The following RBPJ variants were observed in gnomAD, a reference collection of about 807,000 sequenced individuals.
RBPJ encodes the protein recombination signal binding protein for immunoglobulin kappa J region.
A neutral mutation model predicts 67.8 loss-of-function variants in RBPJ; 9 were observed. That is an observed-to-expected ratio of 0.13 (90% CI 0.08 to 0.23). The LOEUF is 0.23. Ranked by LOEUF, RBPJ falls within the 10% of genes least tolerant of loss-of-function variation. The pLI, the probability that RBPJ is intolerant of heterozygous loss-of-function variation, is 1.00. For synonymous variants in RBPJ, 198 were observed against 203.3 expected, an observed-to-expected ratio of 0.97 and a Z score of 0.22; for missense variants, 305 against 595.6, an observed-to-expected ratio of 0.51 and a Z score of 5.08.
At chr4:26,410,920 A>G (rs967900359) in intron 3 of RBPJ, among the ~76,000 whole-genome samples, 1 of 152,184 alleles carries the variant, frequency 6.6e-6, no homozygotes, top group Non-Finnish European at 1.5e-5. Flanking sequence ...ATTGTTTGTT[A>G]TAGTTGATAG....
chr4:26,111,695 G>A, the RBPJ span, among the ~76,000 whole-genome samples: 1 of 152,194 alleles, frequency 6.6e-6, no homozygotes, highest in Non-Finnish European at 1.5e-5. Context: ...AGCCATTGAA[G>A]TGTGTGTGCA....
At chr4:26,119,298 C>T in the RBPJ span, among the ~76,000 whole-genome samples, 2 of 152,162 alleles carry the variant, frequency 1.3e-5, no homozygotes, top group Non-Finnish European at 2.9e-5. Context: ...TGTTTTCCTC[C>T]CCAATCCATT....
rs533416198 is a variant in RBPJ, at chr4:26,331,732, A to G, written c.20+10684A>G. 3.3e-5 allele frequency among the ~76,000 whole-genome samples: 5 copies of G among 152,000 alleles called. No individual in the cohort carries two copies. In the South Asian group the frequency reaches 6.2e-4, roughly 19 times the overall value. On this transcript the variant is annotated intron_variant, in intron 1 of 10. Transcript: ENST00000355476. ...TATCCACTCTGCTTCAGTTGCTCCT[A>G]CTCGAGAACTGGCTGGACGCAGTTA... is the stretch of plus-strand genomic sequence containing the variant.
At chr4:26,217,374 G>T (rs1718755102) in intron 1 of RBPJ, among the ~76,000 whole-genome samples, 1 of 152,078 alleles carries the variant, frequency 6.6e-6, no homozygotes, top group African/African-American at 2.4e-5. Flanking sequence ...TGCTCCTGTG[G>T]CATTGAAGAG....
At chr4:26,222,383 T>C (rs540200158) in intron 1 of RBPJ, among the ~76,000 whole-genome samples, 83 of 150,306 alleles carry the variant, frequency 5.5e-4, no homozygotes, top group African/African-American at 1.9e-3. Flanking sequence ...TAATCCCAGC[T>C]ACTCAGGAGG....
At chr4:26,255,680 T>C (rs2109243532) in intron 1 of RBPJ, among the ~76,000 whole-genome samples, 1 of 151,124 alleles carries the variant, frequency 6.6e-6, no homozygotes, top group African/African-American at 2.4e-5. Context: ...CAGGTGCCTG[T>C]AGTCCCAGCT....
rs144146701 is a variant in RBPJ, at chr4:26,291,956, A to C, written c.-166-70490A>C. The stretch of plus-strand genomic sequence containing the variant: ...AGGTATACTTGACAAATAAAACCAT[A>C]CAAGTTTAACGTGTACAATGTGACG... On this transcript the variant is annotated intron_variant, in intron 1 of 4. Coordinates refer to the RBPJ transcript ENST00000512351. Among the ~76,000 whole-genome samples, 251 of 151,038 alleles carry C rather than the reference A, an allele frequency of 1.7e-3. 8 individuals carry two copies. Among genetic ancestry groups the C allele is most frequent in the Non-Finnish European group, 3.3e-3 (224 of 67,632 alleles).
chr4:26,196,179 A>G (rs1458779626), intron 1 of RBPJ, among the ~76,000 whole-genome samples: 2 of 152,228 alleles, frequency 1.3e-5, no homozygotes, highest in Non-Finnish European at 2.9e-5. Flanking sequence ...GAGGGAGCCC[A>G]AATGTCCATC....
At chr4:26,230,229 A>G (rs1719229589) in intron 1 of RBPJ, among the ~76,000 whole-genome samples, 2 of 151,966 alleles carry the variant, frequency 1.3e-5, no homozygotes, top group Non-Finnish European at 2.9e-5. Flanking sequence ...TGTTCATAGC[A>G]GCACTATGTA....
intron 1 of RBPJ, among the ~76,000 whole-genome samples, chr4:26,361,048 AGTGTGTGTGC>A (rs1355425482): frequency 6.8e-6 from 1 of 147,346 alleles, no homozygotes; most frequent in Non-Finnish European, 1.5e-5. Context: ...TTCAGGAGTG[AGTGTGTGTGC>A]GTGTGTGTGT....
At position 26,415,457 on chromosome 4, in the gene RBPJ, T is replaced by TTC. The variant is rs1560337620; in HGVS notation, c.156-18_156-17insTC. ...GATTTTTGCTTCTTGTTTTTTTTTTTCCCCTATTATTCTTCAGGTTTTTTT... is the reference window on the plus strand; with the variant it reads ...GATTTTTGCTTCTTGTTTTTTTTTTTTCCCCCTATTATTCTTCAGGTTTTTTT... On this transcript the variant is annotated splice_polypyrimidine_tract_variant and intron_variant, in intron 3 of 10. Coordinates refer to ENST00000355476, the MANE Select transcript of RBPJ (RefSeq NM_015874.6). 1.8e-5 allele frequency: 28 copies of TTC among 1,547,058 alleles called. No homozygotes were observed. Among genetic ancestry groups the TTC allele is most frequent in the South Asian group, 2.4e-5 (2 of 83,020 alleles).
chr4:26,225,851 G>GA (rs914879543), intron 1 of RBPJ, among the ~76,000 whole-genome samples: 1 of 151,372 alleles, frequency 6.6e-6, no homozygotes. Context: ...TAAATAGGGG[G>GA]AAAAAAAAGG....
chr4:26,356,341 A>G (rs749719549), intron 1 of RBPJ, among the ~76,000 whole-genome samples: 14 of 152,218 alleles, frequency 9.2e-5, no homozygotes, highest in Non-Finnish European at 1.5e-4. Flanking sequence ...GTTTTGTATC[A>G]GTAGCTAAGT....
intron 1 of RBPJ, among the ~76,000 whole-genome samples, chr4:26,305,991 A>T (rs13138863): frequency 0.46 from 69,547 of 150,318 alleles, 17,040 homozygotes; most frequent in Admixed American, 0.59. Context: ...TCACCATTTT[A>T]GCCAGGCTGG....
chr4:26,343,741 T>TC (rs1415610851), intron 1 of RBPJ, among the ~76,000 whole-genome samples: 2 of 115,526 alleles, frequency 1.7e-5, no homozygotes, highest in Non-Finnish European at 3.5e-5. Context: ...TCTTTCTTCT[T>TC]TTTTTTTTTT....
chr4:26,173,567 T>G (rs908136209), intron 1 of RBPJ, among the ~76,000 whole-genome samples: 1 of 152,182 alleles, frequency 6.6e-6, no homozygotes, highest in East Asian at 1.9e-4. Context: ...CGTCTAACCT[T>G]ACACCCAGGA....
At chr4:26,393,738 G>A (rs1175964478) in intron 2 of RBPJ, among the ~76,000 whole-genome samples, 4 of 151,680 alleles carry the variant, frequency 2.6e-5, no homozygotes, top group Non-Finnish European at 5.9e-5. Context: ...ATTCAAGTTA[G>A]GAAAATTTTA....
chr4:26,177,356 A>G (rs1716831487), intron 1 of RBPJ, among the ~76,000 whole-genome samples: 2 of 152,210 alleles, frequency 1.3e-5, no homozygotes, highest in African/African-American at 4.8e-5. Context: ...AGGGCAGATC[A>G]CTTGAGGTCA....
intron 1 of RBPJ, among the ~76,000 whole-genome samples, chr4:26,234,307 C>G (rs546902697): frequency 1.2e-4 from 19 of 152,140 alleles, no homozygotes; most frequent in Non-Finnish European, 2.1e-4. Flanking sequence ...TTTATTAAGT[C>G]TGTGGTACAA....
Sources: gnomAD v4.1 joint callset for allele counts (sites outside exome capture counted in the v4.1 genomes callset) on GRCh38, gnomAD v4.1.1 for gene constraint, MANE v1.5 for transcripts, NCBI Gene and HGNC (gene_info 2026-07-23, HGNC 2026-07-21) for gene names.